The following WDTC1 variants were observed in gnomAD, a reference collection of about 807,000 sequenced individuals.
WDTC1 encodes WD and tetratricopeptide repeats 1.
WDTC1 carries 12 observed loss-of-function variants against 76.0 expected under a neutral mutation model. That is an observed-to-expected ratio of 0.16 (90% CI 0.10 to 0.26). The LOEUF (loss-of-function observed/expected upper bound fraction) is 0.26, where lower values mean the gene tolerates loss of function less well. WDTC1 is among the 10% of genes least tolerant of loss of function. The pLI is 1.00. For synonymous variants in WDTC1, 326 were observed against 350.8 expected, an observed-to-expected ratio of 0.93 and a Z score of 0.79; for missense variants, 511 against 908.8, an observed-to-expected ratio of 0.56 and a Z score of 5.63.
chr1:27,269,621 G>GTTTTTTTTTTTTTTTTTTTTTTTT (rs538857228), intron 3 of WDTC1, among the ~76,000 whole-genome samples: 2 of 126,868 alleles, frequency 1.6e-5, no homozygotes, highest in Non-Finnish European at 1.6e-5. Flanking sequence ...TTTTTTTTCG[G>GTTTTTTTTTTTTTTTTTTTTTTTT]TTTTTTTTTT....
chr1:27,263,895 A>T (rs927346372), intron 3 of WDTC1, among the ~76,000 whole-genome samples: 1 of 152,096 alleles, frequency 6.6e-6, no homozygotes, highest in African/African-American at 2.4e-5. Context: ...ATACATATAC[A>T]TATACATATA....
chr1:27,275,402 T>C (rs1570964028), intron 3 of WDTC1, among the ~76,000 whole-genome samples: 1 of 151,988 alleles, frequency 6.6e-6, no homozygotes, highest in Non-Finnish European at 1.5e-5. Context: ...TAAACAGTCA[T>C]GTTTAAAGAA....
At chr1:27,247,741 G>A (rs2011894900) in intron 1 of WDTC1, among the ~76,000 whole-genome samples, 1 of 145,764 alleles carries the variant, frequency 6.9e-6, no homozygotes, top group Non-Finnish European at 1.5e-5. Flanking sequence ...TTTGTGAGAT[G>A]GAGTTTCACT....
chr1:27,281,355 G>T (rs917751139), intron 3 of WDTC1, among the ~76,000 whole-genome samples: 27 of 151,116 alleles, frequency 1.8e-4, no homozygotes, highest in Middle Eastern at 6.3e-3. Flanking sequence ...TCAGGAGGCT[G>T]AGGCAGGAGA....
At chr1:27,238,807 C>T (rs1047929225) in intron 1 of WDTC1, among the ~76,000 whole-genome samples, 2 of 151,818 alleles carry the variant, frequency 1.3e-5, no homozygotes, top group Middle Eastern at 3.2e-3. Flanking sequence ...TCAGGTGATC[C>T]GCCCGCCTCA....
chr1:27,306,102 A>C lies in WDTC1; in HGVS notation c.1837-84A>C. On this transcript the variant is annotated intron_variant, in intron 15 of 15. Transcript: ENST00000319394. This position sits in a 1 kb window ranked among gnomAD's most constrained non-coding sequence, Gnocchi z 5.0. ...CCCCTATAGATAGTTTAGTCTGTGT[A>C]TTTCCCTCCCCCTCCCCTATACGTG... 1 of 1,475,960 alleles carries C rather than the reference A, an allele frequency of 6.8e-7. No homozygotes were observed. The highest frequency in any genetic ancestry group is 9.4e-7 in the Non-Finnish European group (1 of 1,068,028). 91.4% of individuals were successfully genotyped at this position (1,475,960 alleles called of 1,614,324 possible). A position where few individuals can be genotyped will look rare whatever the true frequency, so the allele number is the denominator to read the frequency against.
At chr1:27,276,681 A>C (rs1417103582) in intron 3 of WDTC1, among the ~76,000 whole-genome samples, 1 of 151,636 alleles carries the variant, frequency 6.6e-6, no homozygotes, top group Non-Finnish European at 1.5e-5. Flanking sequence ...TGACAGAGCA[A>C]GACTTCGTCT....
intron 1 of WDTC1, among the ~76,000 whole-genome samples, chr1:27,249,585 A>C (rs1041331814): frequency 6.6e-6 from 1 of 151,864 alleles, no homozygotes; most frequent in African/African-American, 2.4e-5. Flanking sequence ...TGCTGCTCTA[A>C]ACTTTTTTTT....
chr1:27,249,352 C>G (rs1195356704), intron 1 of WDTC1, among the ~76,000 whole-genome samples: 1 of 151,804 alleles, frequency 6.6e-6, no homozygotes, highest in Non-Finnish European at 1.5e-5. Flanking sequence ...AATCTACTTC[C>G]TATTTCTATT....
chr1:27,277,565 G>A (rs1268142845), intron 3 of WDTC1, among the ~76,000 whole-genome samples: 1 of 151,928 alleles, frequency 6.6e-6, no homozygotes, highest in Admixed American at 6.6e-5. Flanking sequence ...CCAAATAGCT[G>A]GGATTATAGG....
rs142400164 is a variant in WDTC1 at position 27,302,921 on chromosome 1, G to A, written c.1469-700G>A. Among the ~76,000 whole-genome samples the A allele has an allele frequency of 5.3e-3, 813 of 152,210 alleles. 3 individuals carry two copies. Among genetic ancestry groups the A allele is most frequent in the African/African-American group, 0.018 (768 of 41,528 alleles). ...CTCTCATTTGGGACCCTAATAACTTGTCTTCCAGAGGGTAAGGGCATGGTC... is the reference window on the plus strand; with the variant it reads ...CTCTCATTTGGGACCCTAATAACTTATCTTCCAGAGGGTAAGGGCATGGTC... On this transcript the variant is annotated intron_variant, in intron 13 of 15. Coordinates refer to ENST00000319394, the MANE Select transcript of WDTC1 (RefSeq NM_001276252.2).
At chr1:27,294,731 C>A in intron 9 of WDTC1, 102 bp downstream of exon 9, 2 of 946,276 alleles carry the variant, frequency 2.1e-6, no homozygotes, top group African/African-American at 1.6e-5. Context: ...GACACAACAG[C>A]CTTATGGTAA....
chr1:27,254,604 AG>A (rs1230849526), intron 1 of WDTC1, among the ~76,000 whole-genome samples: 1 of 152,034 alleles, frequency 6.6e-6, no homozygotes, highest in Admixed American at 6.6e-5. Context: ...CAAAAAAAAA[AG>A]AATGCTAAGT....
Position 27,255,230 on chromosome 1 carries a change from G to A in WDTC1, c.-99-5726G>A, listed in dbSNP as rs139583509. On this transcript the variant is annotated intron_variant, in intron 1 of 15. Coordinates refer to ENST00000319394, the MANE Select transcript of WDTC1 (RefSeq NM_001276252.2). ...TAAGAAAATTAATGAATAAGTCATG[G>A]CAATTTAGTGGGCTCTTTTGGTGGA... Among the ~76,000 whole-genome samples the A allele has an allele frequency of 4.6e-3, 698 of 152,130 alleles. 6 individuals carry two copies. The highest frequency in any genetic ancestry group is 0.016 in the African/African-American group (669 of 41,492).
chr1:27,302,576 G>A (rs2013860054), intron 13 of WDTC1, among the ~76,000 whole-genome samples: 1 of 151,826 alleles, frequency 6.6e-6, no homozygotes, highest in Non-Finnish European at 1.5e-5. Context: ...CTCAACAAAA[G>A]AAAAATTAAA....
intron 6 of WDTC1, 100 bp downstream of exon 6, chr1:27,287,961 C>T: frequency 7.1e-7 from 1 of 1,415,316 alleles, no homozygotes; most frequent in Non-Finnish European, 9.5e-7. Flanking sequence ...CAGCAGAGGT[C>T]CAACCTCCTT....
chr1:27,253,602 C>T (rs2012173653), intron 1 of WDTC1, among the ~76,000 whole-genome samples: 1 of 151,284 alleles, frequency 6.6e-6, no homozygotes, highest in African/African-American at 2.4e-5. Flanking sequence ...CCACTTCTGC[C>T]TCCCAAAATG....
intron 5 of WDTC1, among the ~76,000 whole-genome samples, chr1:27,287,024 G>A (rs1347878221): frequency 2.0e-5 from 3 of 151,502 alleles, no homozygotes; most frequent in South Asian, 2.1e-4. Context: ...TTAGCTGGGC[G>A]TGGTGGTGCA....
Position 27,294,579 on chromosome 1 carries a change from A to T in WDTC1, c.823A>T (p.Thr275Ser). 1 of 1,614,092 alleles carries T rather than the reference A, an allele frequency of 6.2e-7. No individual in the cohort carries two copies. Among genetic ancestry groups the T allele is most frequent in the Non-Finnish European group, 8.5e-7 (1 of 1,180,004 alleles). Residue 275 changes from threonine to serine, a missense_variant, in exon 9 of 16, where the codon ACC becomes TCC. Thr to Ser is a moderately conservative substitution (Grantham distance 58, BLOSUM62 1). Coordinates refer to ENST00000319394, the MANE Select transcript of WDTC1 (RefSeq NM_001276252.2). The part of the protein sequence containing the change: ...RLRVLVATYV[T>S]FSPNGTELLV... ...GAGAGTGCTGGTTGCCACCTATGTG[A>T]CCTTCAGCCCCAATGGCACAGAGCT...
Sources: gnomAD v4.1 joint callset for allele counts (sites outside exome capture counted in the v4.1 genomes callset) on GRCh38, gnomAD v4.1.1 for gene constraint, Gnocchi (gnomAD v3.1) non-coding constraint, MANE v1.5 for transcripts, NCBI Gene and HGNC (gene_info 2026-07-23, HGNC 2026-07-21) for gene names.